The following TMCC3 variants were observed in gnomAD, a reference collection of about 807,000 sequenced individuals.
The protein encoded by TMCC3 is transmembrane and coiled-coil domain family 3.
TMCC3 carries 28 observed loss-of-function variants against 40.2 expected under a neutral mutation model. The ratio of observed to expected loss-of-function variants is 0.70; its 90% CI spans 0.52 to 0.95. TMCC3 has a LOEUF of 0.95. Among genes scored for constraint, TMCC3 ranks in the 40% least tolerant of loss-of-function variants. The pLI, the probability that TMCC3 is intolerant of heterozygous loss-of-function variation, is 0.00. For missense variants in TMCC3, 554 were observed against 615.2 expected (o/e 0.90, Z 1.05); for synonymous variants, 255 against 248.5 (o/e 1.03, Z -0.25).
At chr12:94,626,674 A>C (rs1414105817) in intron 1 of TMCC3, among the ~76,000 whole-genome samples, 1 of 152,116 alleles carries the variant, frequency 6.6e-6, no homozygotes, top group Non-Finnish European at 1.5e-5. Context: ...GTGAGTCACA[A>C]GTTACAAGGA....
At chr12:94,575,833 C>T (rs1239223813) in intron 3 of TMCC3, among the ~76,000 whole-genome samples, 2 of 152,164 alleles carry the variant, frequency 1.3e-5, no homozygotes, top group Non-Finnish European at 2.9e-5. Context: ...AGGTCTTGCT[C>T]TGTCGCCCAG....
chr12:94,644,406 C>A, intron 1 of TMCC3: 2 of 985,396 alleles, frequency 2.0e-6, no homozygotes, highest in Non-Finnish European at 2.4e-6. Flanking sequence ...TAGCAGCAGT[C>A]CTGGAGATGC....
chr12:94,623,453 T>C (rs1327712554), intron 1 of TMCC3, among the ~76,000 whole-genome samples: 1 of 152,240 alleles, frequency 6.6e-6, no homozygotes. Flanking sequence ...GAATGCTGCC[T>C]GGCTCCCAAA....
Position 94,582,549 on chromosome 12 carries a change from C to A in TMCC3, c.79-11G>T, listed in dbSNP as rs768791480. Reference sequence around the variant, plus strand: ...GTCATGACGTTCTACCTGAAAGAGACAGGAAAGAAGCACATTAAAATTTGA... The same window carrying A: ...GTCATGACGTTCTACCTGAAAGAGAAAGGAAAGAAGCACATTAAAATTTGA... On this transcript the variant is annotated splice_polypyrimidine_tract_variant and intron_variant, in intron 1 of 3. Transcript: ENST00000261226. 2 of 1,573,888 alleles carry A rather than the reference C, an allele frequency of 1.3e-6. No homozygotes were observed. The highest frequency in any genetic ancestry group is 2.4e-5 in the South Asian group (2 of 84,648).
chr12:94,580,890 C>T (rs1302833651), intron 2 of TMCC3, among the ~76,000 whole-genome samples: 1 of 152,150 alleles, frequency 6.6e-6, no homozygotes, highest in Admixed American at 6.5e-5. Flanking sequence ...CATAATGACA[C>T]TATAACGGAA....
chr12:94,612,160 G>A lies in TMCC3; in HGVS notation c.79-29622C>T, dbSNP rs191205017. Reference sequence around the variant, plus strand: ...ACTACAGGTGCACACCATCATGCTCGGCTAATTTTTGTATTTTTTTGTAGA... The same window carrying A: ...ACTACAGGTGCACACCATCATGCTCAGCTAATTTTTGTATTTTTTTGTAGA... On this transcript the variant is annotated intron_variant, in intron 1 of 3. Transcript: ENST00000261226. Among the ~76,000 whole-genome samples the A allele has an allele frequency of 1.5e-4, 23 of 152,128 alleles. 1 individual carries two copies. Among genetic ancestry groups the A allele is most frequent in the African/African-American group, 2.4e-4 (10 of 41,510 alleles).
chr12:94,622,752 G>C (rs1227655247), intron 1 of TMCC3, among the ~76,000 whole-genome samples: 1 of 151,492 alleles, frequency 6.6e-6, no homozygotes, highest in African/African-American at 2.4e-5. Context: ...ATCAGACACG[G>C]AGCCTGTTAC....
At chr12:94,648,338 C>T (rs1261902291) in intron 1 of TMCC3, among the ~76,000 whole-genome samples, 19 of 152,044 alleles carry the variant, frequency 1.2e-4, no homozygotes, top group African/African-American at 4.6e-4. Context: ...AGTGATTCTC[C>T]GCCTCACCCT....
chr12:94,608,243 A>G (rs2068794949), intron 1 of TMCC3, among the ~76,000 whole-genome samples: 1 of 152,238 alleles, frequency 6.6e-6, no homozygotes, highest in African/African-American at 2.4e-5. Context: ...ATTAAAAGAC[A>G]AACAGATTTG....
At chr12:94,635,410 G>GC (rs369678762) in intron 1 of TMCC3, among the ~76,000 whole-genome samples, 76 of 152,276 alleles carry the variant, frequency 5.0e-4, no homozygotes, top group African/African-American at 1.8e-3. Context: ...ACTTAAGGTG[G>GC]CAACAGTGGT....
intron 1 of TMCC3, among the ~76,000 whole-genome samples, chr12:94,630,460 T>C (rs1005787252): frequency 6.6e-6 from 1 of 152,162 alleles, no homozygotes; most frequent in Admixed American, 6.5e-5. Context: ...GTTCAGGTTC[T>C]AGCCTTTTCA....
intron 2 of TMCC3, among the ~76,000 whole-genome samples, chr12:94,579,802 G>A (rs1566314506): frequency 6.6e-6 from 1 of 152,158 alleles, no homozygotes; most frequent in Non-Finnish European, 1.5e-5. Flanking sequence ...ACTGTAACAC[G>A]CGGGTCACAA....
At chr12:94,636,407 G>T (rs2068961208) in intron 1 of TMCC3, among the ~76,000 whole-genome samples, 1 of 152,186 alleles carries the variant, frequency 6.6e-6, no homozygotes, top group Non-Finnish European at 1.5e-5. Context: ...TTCAGCGCTT[G>T]CTATCCACTA....
In TMCC3 at chr12:94,608,811, G is replaced by A. The variant is rs117695840; in HGVS notation, c.79-26273C>T. 4.2e-3 allele frequency among the ~76,000 whole-genome samples: 634 copies of A among 152,244 alleles called. 1 individual carries two copies. The highest frequency in any genetic ancestry group is 5.4e-3 in the Non-Finnish European group (369 of 68,024). On this transcript the variant is annotated intron_variant, in intron 1 of 3. Transcript: ENST00000261226. ...TCAGGAGTGCCACATGTATGTAGAC[G>A]TTACTGTGCCTTCCACCTCCACCAT...
intron 1 of TMCC3, among the ~76,000 whole-genome samples, chr12:94,646,058 G>A (rs2069016315): frequency 6.6e-6 from 1 of 152,194 alleles, no homozygotes; most frequent in Non-Finnish European, 1.5e-5. Flanking sequence ...AAACAGCACT[G>A]GTACAAGATC....
At chr12:94,600,781 T>C (rs1258049052) in intron 1 of TMCC3, among the ~76,000 whole-genome samples, 2 of 152,254 alleles carry the variant, frequency 1.3e-5, no homozygotes, top group South Asian at 4.1e-4. Flanking sequence ...TGATCCATTT[T>C]GGCTCTTATA....
At chr12:94,614,885 C>T (rs1241368212) in intron 1 of TMCC3, among the ~76,000 whole-genome samples, 1 of 151,832 alleles carries the variant, frequency 6.6e-6, no homozygotes, top group African/African-American at 2.4e-5. Flanking sequence ...ACCTCAGCCT[C>T]CCGAGTAGCT....
At chr12:94,594,935 C>T (rs1447415771) in intron 1 of TMCC3, among the ~76,000 whole-genome samples, 1 of 152,166 alleles carries the variant, frequency 6.6e-6, no homozygotes, top group Non-Finnish European at 1.5e-5. Context: ...CTCTATCAGG[C>T]CATGCTGTGT....
intron 1 of TMCC3, among the ~76,000 whole-genome samples, chr12:94,625,301 A>C (rs2068898111): frequency 6.6e-6 from 1 of 151,854 alleles, no homozygotes; most frequent in Admixed American, 6.6e-5. Context: ...CTTTAATAGT[A>C]AATGGGCTGG....
Sources: allele counts gnomAD v4.1 joint callset (sites outside exome capture counted in the v4.1 genomes callset), GRCh38; gene constraint gnomAD v4.1.1; transcripts MANE v1.5; gene names NCBI Gene and HGNC (gene_info 2026-07-23, HGNC 2026-07-21).